The following KHDRBS2 variants were observed in gnomAD, a reference collection of about 807,000 sequenced individuals.
KHDRBS2 encodes the protein KH domain-containing, RNA-binding, signal transduction-associated protein 2.
KHDRBS2 carries 26 observed loss-of-function variants against 44.3 expected under a neutral mutation model. The observed-to-expected ratio is 0.59, with a 90% CI of 0.43 to 0.81. The LOEUF is 0.81. KHDRBS2 is among the 40% of genes least tolerant of loss of function. The probability of loss-of-function intolerance (pLI) is 0.00; values close to 1 mark genes in which losing one functional copy is unlikely to be tolerated. For synonymous variants in KHDRBS2, 194 were observed against 151.1 expected (o/e 1.28, Z -2.08); for missense variants, 476 against 433.1 (o/e 1.10, Z -0.88).
At position 62,094,774 on chromosome 6, in the gene KHDRBS2, A is replaced by G. The variant is rs75012869; in HGVS notation, c.220-46780T>C. Reference sequence around the variant, plus strand: ...TAAGAATCTAGTTTGATTCTTCTGCATGTCGATATCCAGTTTCCTCATCAC... The same window carrying G: ...TAAGAATCTAGTTTGATTCTTCTGCGTGTCGATATCCAGTTTCCTCATCAC... On this transcript the variant is annotated intron_variant, in intron 2 of 8. Transcript: ENST00000281156. 1.9e-3 allele frequency among the ~76,000 whole-genome samples: 296 copies of G among 151,948 alleles called. 2 individuals carry two copies. Among genetic ancestry groups the G allele is most frequent in the African/African-American group, 6.8e-3 (283 of 41,520 alleles).
At chr6:61,703,770 T>C (rs1227739512) in intron 7 of KHDRBS2, among the ~76,000 whole-genome samples, 2 of 151,936 alleles carry the variant, frequency 1.3e-5, no homozygotes, top group Non-Finnish European at 2.9e-5. Flanking sequence ...CCCCTCTTAA[T>C]GTCATTCATG....
At chr6:61,589,465 G>A in the KHDRBS2 span, among the ~76,000 whole-genome samples, 1 of 152,174 alleles carries the variant, frequency 6.6e-6, no homozygotes, top group East Asian at 1.9e-4. Context: ...GTTTAAATAA[G>A]GTTTTTTTAT....
intron 1 of KHDRBS2, among the ~76,000 whole-genome samples, chr6:62,219,437 AC>A (rs1416001652): frequency 6.6e-6 from 1 of 151,876 alleles, no homozygotes; most frequent in Non-Finnish European, 1.5e-5. Context: ...ATTCAATATT[AC>A]AATCAATTCT....
intron 1 of KHDRBS2, among the ~76,000 whole-genome samples, chr6:62,266,566 T>C (rs867150786): frequency 2.6e-5 from 4 of 152,182 alleles, no homozygotes; most frequent in Middle Eastern, 6.8e-3. Context: ...TTTGCAGGTC[T>C]AGTTTCCTCA....
chr6:62,243,258 T>C (rs937903410), intron 1 of KHDRBS2, among the ~76,000 whole-genome samples: 4 of 152,156 alleles, frequency 2.6e-5, no homozygotes, highest in African/African-American at 9.6e-5. Context: ...AATGTTAATG[T>C]TTTCCAGACA....
rs55781131 is a variant in KHDRBS2, at chr6:61,748,026, T to C, written c.811-15262A>G. 2.6e-5 allele frequency among the ~76,000 whole-genome samples: 4 copies of C among 152,192 alleles called. No homozygotes were observed. In the East Asian group the frequency reaches 7.7e-4, roughly 29 times the overall value. Reference sequence around the variant, plus strand: ...TCTTTTTTGAGACAGAGTCTCACACTGTTGCCTGAGCTGCAGTGCAGTGGC... The same window carrying C: ...TCTTTTTTGAGACAGAGTCTCACACCGTTGCCTGAGCTGCAGTGCAGTGGC... On this transcript the variant is annotated intron_variant, in intron 6 of 8. Coordinates refer to ENST00000281156, the MANE Select transcript of KHDRBS2 (RefSeq NM_152688.4).
chr6:61,637,612 G>A, the KHDRBS2 span, among the ~76,000 whole-genome samples: 46 of 152,228 alleles, frequency 3.0e-4, no homozygotes, highest in African/African-American at 1.0e-3. Context: ...TCGCCACACT[G>A]ACTTCCACAA....
At chr6:62,012,416 C>T (rs1185672086) in intron 3 of KHDRBS2, among the ~76,000 whole-genome samples, 1 of 152,146 alleles carries the variant, frequency 6.6e-6, no homozygotes, top group Non-Finnish European at 1.5e-5. Flanking sequence ...TCCTTTTCCA[C>T]TAAACAGGAG....
At chr6:61,759,524 G>A (rs1489713405) in intron 6 of KHDRBS2, among the ~76,000 whole-genome samples, 1 of 147,684 alleles carries the variant, frequency 6.8e-6, no homozygotes, top group East Asian at 2.0e-4. Flanking sequence ...TTTTTGAAGG[G>A]TTTTTTTTTT....
At chr6:61,954,112 G>A (rs1765375488) in intron 4 of KHDRBS2, among the ~76,000 whole-genome samples, 1 of 152,094 alleles carries the variant, frequency 6.6e-6, no homozygotes, top group Non-Finnish European at 1.5e-5. Context: ...ATCTCAGAGT[G>A]CCACAAGGCA....
At chr6:62,090,009 A>G (rs1161500627) in intron 2 of KHDRBS2, among the ~76,000 whole-genome samples, 1 of 152,162 alleles carries the variant, frequency 6.6e-6, no homozygotes, top group African/African-American at 2.4e-5. Flanking sequence ...TGATTCTCAC[A>G]TGACAGTGGT....
intron 6 of KHDRBS2, among the ~76,000 whole-genome samples, chr6:61,882,688 T>C (rs956724240): frequency 6.6e-6 from 1 of 151,990 alleles, no homozygotes; most frequent in African/African-American, 2.4e-5. Context: ...TCATAAGATA[T>C]TATAGAAAAT....
chr6:62,205,963 T>C (rs1827890463), intron 1 of KHDRBS2, among the ~76,000 whole-genome samples: 1 of 152,050 alleles, frequency 6.6e-6, no homozygotes, highest in Non-Finnish European at 1.5e-5. Context: ...TAGCAAAAAA[T>C]TGGGAAATGA....
intron 6 of KHDRBS2, among the ~76,000 whole-genome samples, chr6:61,737,995 T>C (rs1775634039): frequency 6.6e-6 from 1 of 151,950 alleles, no homozygotes; most frequent in Non-Finnish European, 1.5e-5. Context: ...AGTATCTGCC[T>C]GAGATTTAAG....
the KHDRBS2 span, among the ~76,000 whole-genome samples, chr6:61,622,083 C>CTCTA: frequency 6.6e-6 from 1 of 152,210 alleles, no homozygotes; most frequent in Non-Finnish European, 1.5e-5. Context: ...TCTAGCTAAA[C>CTCTA]TCTACACTTT....
At chr6:61,957,483 G>C (rs1385827662) in intron 4 of KHDRBS2, among the ~76,000 whole-genome samples, 1 of 150,062 alleles carries the variant, frequency 6.7e-6, no homozygotes, top group African/African-American at 2.5e-5. Context: ...CGTCCCTGAG[G>C]GGAGGTCTCT....
At chr6:61,600,490 C>T in the KHDRBS2 span, among the ~76,000 whole-genome samples, 1 of 152,140 alleles carries the variant, frequency 6.6e-6, no homozygotes, top group Admixed American at 6.5e-5. Flanking sequence ...TTCCACTACC[C>T]ACCCAAATCT....
intron 1 of KHDRBS2, among the ~76,000 whole-genome samples, chr6:62,259,868 A>T (rs1585475774): frequency 6.6e-6 from 1 of 152,188 alleles, no homozygotes; most frequent in East Asian, 1.9e-4. Flanking sequence ...ATGTGTTTTT[A>T]ACTGTACTCT....
chr6:61,765,941 CT>C, intron 6 of KHDRBS2, among the ~76,000 whole-genome samples: 1 of 125,526 alleles, frequency 8.0e-6, no homozygotes. Flanking sequence ...CTGTAGTTTT[CT>C]TTTTTTAGAT....
Sources: gnomAD v4.1 joint callset for allele counts (sites outside exome capture counted in the v4.1 genomes callset) on GRCh38, gnomAD v4.1.1 for gene constraint, MANE v1.5 for transcripts, NCBI Gene and HGNC (gene_info 2026-07-23, HGNC 2026-07-21) for gene names.